LAMA4: variants seen among roughly 807,000 people sequenced by gnomAD.
LAMA4 encodes laminin subunit alpha 4, also known as laminin subunit alpha-4.
In LAMA4, 127 loss-of-function variants were observed where a neutral mutation model predicts 207.1. The ratio of observed to expected loss-of-function variants is 0.61; its 90% CI spans 0.53 to 0.71. The LOEUF (loss-of-function observed/expected upper bound fraction) is 0.71, where lower values mean the gene tolerates loss of function less well. Ranked by LOEUF, LAMA4 falls within the 30% of genes least tolerant of loss-of-function variation. LAMA4 has a pLI of 0.00. For synonymous variants in LAMA4, 761 were observed against 816.0 expected, an observed-to-expected ratio of 0.93 and a Z score of 1.15; for missense variants, 2,093 against 2,246.5, an observed-to-expected ratio of 0.93 and a Z score of 1.38.
chr6:112,240,993 T>C (rs1554187524), intron 2 of LAMA4, among the ~76,000 whole-genome samples: 1 of 150,574 alleles, frequency 6.6e-6, no homozygotes, highest in South Asian at 2.1e-4. Context: ...TACTACTGTG[T>C]CAGCTCTTTC....
intron 2 of LAMA4, among the ~76,000 whole-genome samples, chr6:112,226,422 T>C (rs1003475030): frequency 5.9e-5 from 9 of 152,072 alleles, no homozygotes; most frequent in Admixed American, 6.5e-5. Flanking sequence ...GCATATACTA[T>C]TACATACGCT....
intron 12 of LAMA4, among the ~76,000 whole-genome samples, chr6:112,167,844 A>T (rs1294582663): frequency 1.0e-4 from 1 of 9,776 alleles, no homozygotes; most frequent in African/African-American, 3.9e-4. Context: ...ATACCATCAC[A>T]CACACACACA....
intron 11 of LAMA4, 80 bp downstream of exon 11, chr6:112,175,233 G>A: frequency 1.5e-6 from 2 of 1,344,208 alleles, no homozygotes; most frequent in Admixed American, 3.4e-5. Flanking sequence ...ATTATATGTT[G>A]CCCTAGGTTT....
At chr6:112,227,068 T>C (rs1785259032) in intron 2 of LAMA4, among the ~76,000 whole-genome samples, 1 of 150,592 alleles carries the variant, frequency 6.6e-6, no homozygotes, top group African/African-American at 2.4e-5. Context: ...TTTATTTATT[T>C]ATTTATTTAT....
At chr6:112,150,665 A>C (rs1483311898) in intron 16 of LAMA4, 38 bp from the exon 17 acceptor site, 1 of 1,412,888 alleles carries the variant, frequency 7.1e-7, no homozygotes, top group Admixed American at 1.7e-5. Context: ...TAGTGGAGCC[A>C]AGATGCCTCG....
At position 112,178,235 on chromosome 6, in the gene LAMA4, A is replaced by T. The variant is rs1554344485; in HGVS notation, c.1078-3T>A. ...CCTTTTCTGGAGGCTTGATTTTCCT[A>T]CAAATAATCCGTATAAAGGCTAGAT... On this transcript the variant is annotated splice_region_variant and splice_polypyrimidine_tract_variant and intron_variant, in intron 9 of 38. Transcript: ENST00000230538. 1 of 1,602,488 alleles carries T rather than the reference A, an allele frequency of 6.2e-7. No individual in the cohort carries two copies. Among genetic ancestry groups the T allele is most frequent in the African/African-American group, 1.3e-5 (1 of 74,670 alleles).
intron 31 of LAMA4, 150 bp from the exon 32 acceptor site, chr6:112,122,351 C>T (rs896769662): frequency 4.4e-5 from 28 of 637,938 alleles, no homozygotes; most frequent in Non-Finnish European, 5.2e-5. Context: ...TCTTTCCTAC[C>T]TCTAGCCCCA....
At chr6:112,172,585 G>A (rs1781780616) in intron 12 of LAMA4, 26 bp downstream of exon 12, 2 of 1,607,202 alleles carry the variant, frequency 1.2e-6, no homozygotes, top group South Asian at 2.2e-5. Flanking sequence ...ATGCTGAAAT[G>A]CATTGATGGT....
At position 112,119,088 on chromosome 6, in the gene LAMA4, G is replaced by A. The variant is rs782354983; in HGVS notation, c.4821+68C>T. 346 of 1,492,880 alleles carry A rather than the reference G, an allele frequency of 2.3e-4. 1 individual carries two copies. The highest frequency in any genetic ancestry group is 9.0e-5 in the Non-Finnish European group (97 of 1,072,186). 92.5% of individuals were successfully genotyped at this position (1,492,880 alleles called of 1,614,324 possible). ...TTTCTAGTTTCCTAATCTGTGAGAC[G>A]AGGGCCTCAATTAGATGATCTTCTG... On this transcript the variant is annotated intron_variant, in intron 34 of 38. Coordinates refer to ENST00000230538, the MANE Select transcript of LAMA4 (RefSeq NM_001105206.3).
Position 112,175,340 on chromosome 6 carries a change from C to G in LAMA4, c.1330G>C (p.Asp444His). The G allele has an allele frequency of 6.2e-7, 1 of 1,614,152 alleles. No individual in the cohort carries two copies. Among genetic ancestry groups the G allele is most frequent in the East Asian group, 2.2e-5 (1 of 44,882 alleles). ...TCGTAAGCCTCATCTGCCTCCTCAT[C>G]CACGAGCTCCCGTTGGGTGAAAAAT... is the stretch of plus-strand genomic sequence containing the variant. ...QPFFTQRELV[D>H]EEADEAYELL... The change falls in exon 11 of 39, where the codon GAT (aspartate) becomes CAT (histidine). Residue 444 changes from aspartate (D) to histidine (H), a missense_variant. Transcript: ENST00000230538.
chr6:112,158,834 A>C lies in LAMA4; in HGVS notation c.1715T>G (p.Leu572Arg). 7 of 1,613,168 alleles carry C rather than the reference A, an allele frequency of 4.3e-6. No individual in the cohort carries two copies. Among genetic ancestry groups the C allele is most frequent in the Non-Finnish European group, 5.9e-6 (7 of 1,179,132 alleles). ...ACTTAGGTTAGATAGTTTTACTTGTAGTTCACTTTTGGCTCCATCTATTTC... is the reference window on the plus strand; with the variant it reads ...ACTTAGGTTAGATAGTTTTACTTGTCGTTCACTTTTGGCTCCATCTATTTC... ...YAEIDGAKSE[L>R]QVKLSNLSNL... The change falls in exon 14 of 39, where the codon CTA becomes CGA. Residue 572 changes from leucine (L) to arginine (R), a missense_variant. This residue lies in a region of LAMA4 where 1,704 missense variants were observed against 1,788.4 expected (regional missense o/e 0.95). Coordinates refer to ENST00000230538, the MANE Select transcript of LAMA4 (RefSeq NM_001105206.3).
At chr6:112,144,629 T>C (rs1299435752) in intron 19 of LAMA4, among the ~76,000 whole-genome samples, 165 bp downstream of exon 19, 1 of 152,200 alleles carries the variant, frequency 6.6e-6, no homozygotes, top group Non-Finnish European at 1.5e-5. Context: ...ATTGGTTTCG[T>C]TTTCAGTGTT....
intron 18 of LAMA4, among the ~76,000 whole-genome samples, 168 bp downstream of exon 18, chr6:112,147,985 TATAG>T (rs564909971): frequency 9.2e-5 from 14 of 152,288 alleles, no homozygotes; most frequent in East Asian, 7.7e-4. Flanking sequence ...TTTAGACAGG[TATAG>T]ATAGATAGAT....
chr6:112,250,248 G>C (rs1415701473), intron 2 of LAMA4, among the ~76,000 whole-genome samples: 2 of 152,146 alleles, frequency 1.3e-5, no homozygotes, highest in East Asian at 3.9e-4. Flanking sequence ...ACCAAGATAA[G>C]AAAAAAGAAA....
At chr6:112,217,081 T>G (rs896676980) in intron 2 of LAMA4, among the ~76,000 whole-genome samples, 4 of 152,218 alleles carry the variant, frequency 2.6e-5, no homozygotes, top group Non-Finnish European at 5.9e-5. Flanking sequence ...TTCATTTGTC[T>G]TCAGAATGCT....
intron 3 of LAMA4, among the ~76,000 whole-genome samples, chr6:112,215,004 C>G (rs1784549684): frequency 6.6e-6 from 1 of 152,188 alleles, no homozygotes; most frequent in Non-Finnish European, 1.5e-5. Context: ...GTCTCCACTG[C>G]TTTATATTTT....
chr6:112,114,230 A>T, intron 37 of LAMA4, 35 bp from the exon 38 acceptor site: 1 of 1,602,248 alleles, frequency 6.2e-7, no homozygotes, highest in Non-Finnish European at 8.5e-7. Flanking sequence ...CATAAGTGGC[A>T]CTGGAGTGAT....
intron 2 of LAMA4, among the ~76,000 whole-genome samples, chr6:112,249,307 G>T (rs1554189234): frequency 6.6e-6 from 1 of 151,996 alleles, no homozygotes; most frequent in East Asian, 1.9e-4. Flanking sequence ...GTTGGGCGTT[G>T]TGGCATGTGC....
intron 31 of LAMA4, 89 bp from the exon 32 acceptor site, chr6:112,122,290 A>G (rs1778410110): frequency 2.1e-6 from 2 of 952,646 alleles, no homozygotes; most frequent in African/African-American, 3.3e-5. Flanking sequence ...TAAGGATAAA[A>G]AATTATATAT....
Sources: gnomAD v4.1 joint callset for allele counts (sites outside exome capture counted in the v4.1 genomes callset) on GRCh38, gnomAD v4.1.1 for gene constraint, gnomAD v4.1.1 regional missense constraint, MANE v1.5 for transcripts, NCBI Gene and HGNC (gene_info 2026-07-23, HGNC 2026-07-21) for gene names.